KAZN: variants seen among roughly 807,000 people sequenced by gnomAD.
The protein encoded by KAZN is kazrin.
KAZN carries 40 observed loss-of-function variants against 87.4 expected under a neutral mutation model. That is an observed-to-expected ratio of 0.46 (90% CI 0.36 to 0.60). KAZN has a LOEUF of 0.60. KAZN is among the 20% of genes least tolerant of loss of function. The pLI, the probability that KAZN is intolerant of heterozygous loss-of-function variation, is 0.00. For missense variants in KAZN, 898 were observed against 1,073.9 expected, an observed-to-expected ratio of 0.84 and a Z score of 2.29; for synonymous variants, 466 against 458.3, an observed-to-expected ratio of 1.02 and a Z score of -0.22.
intron 1 of KAZN, among the ~76,000 whole-genome samples, chr1:13,991,565 G>A (rs1298099995): frequency 6.6e-6 from 1 of 152,078 alleles, no homozygotes; most frequent in African/African-American, 2.4e-5. Context: ...TGCATTTTGA[G>A]TATTTATTGC....
intron 2 of KAZN, among the ~76,000 whole-genome samples, chr1:14,321,754 A>C (rs2100841233): frequency 6.6e-6 from 1 of 152,292 alleles, no homozygotes; most frequent in Admixed American, 6.5e-5. Context: ...ATGATTAATC[A>C]CATAGCCCGA....
chr1:14,131,921 G>A (rs1208589551), intron 1 of KAZN, among the ~76,000 whole-genome samples: 1 of 151,946 alleles, frequency 6.6e-6, no homozygotes, highest in Admixed American at 6.6e-5. Flanking sequence ...GGGAGTTTTT[G>A]TTCTCTCACT....
At chr1:15,001,855 C>G (rs1179331524) in intron 2 of KAZN, among the ~76,000 whole-genome samples, 3 of 150,460 alleles carry the variant, frequency 2.0e-5, no homozygotes, top group African/African-American at 7.4e-5. Flanking sequence ...CCTCTTGGCC[C>G]CACAAAGTCA....
chr1:14,293,857 G>T (rs1173879402), intron 2 of KAZN, among the ~76,000 whole-genome samples: 1 of 152,046 alleles, frequency 6.6e-6, no homozygotes, highest in African/African-American at 2.4e-5. Context: ...GTTAGCCTTT[G>T]GGAAGGCTCT....
At chr1:14,751,996 G>A (rs376374249) in intron 1 of KAZN, among the ~76,000 whole-genome samples, 39 of 152,324 alleles carry the variant, frequency 2.6e-4, no homozygotes, top group African/African-American at 8.9e-4. Flanking sequence ...TGGTGCCAGC[G>A]CTTGCTTCTG....
chr1:14,854,518 G>T (rs1339880782), intron 1 of KAZN, among the ~76,000 whole-genome samples: 1 of 152,174 alleles, frequency 6.6e-6, no homozygotes, highest in Non-Finnish European at 1.5e-5. Flanking sequence ...GAAGGTCAAA[G>T]GGGATGCAGA....
intron 2 of KAZN, among the ~76,000 whole-genome samples, chr1:14,228,544 A>G (rs2100530073): frequency 6.6e-6 from 1 of 152,318 alleles, no homozygotes; most frequent in African/African-American, 2.4e-5. Flanking sequence ...GGTGGGCACA[A>G]TGATTAGCAT....
intron 1 of KAZN, among the ~76,000 whole-genome samples, chr1:14,142,108 C>CT (rs35138469): frequency 0.33 from 42,137 of 128,832 alleles, 7,735 homozygotes; most frequent in East Asian, 0.67. Context: ...CCCTCCTTCC[C>CT]TTTTTTTTTT....
intron 1 of KAZN, among the ~76,000 whole-genome samples, chr1:14,882,122 CTG>C (rs1653403569): frequency 6.6e-6 from 1 of 152,216 alleles, no homozygotes; most frequent in Non-Finnish European, 1.5e-5. Flanking sequence ...GGGGATCACA[CTG>C]TGAGTAGCCA....
intron 2 of KAZN, among the ~76,000 whole-genome samples, chr1:14,590,258 A>G (rs139983700): frequency 6.6e-5 from 10 of 152,278 alleles, no homozygotes; most frequent in African/African-American, 2.2e-4. Context: ...AAAAGAACTC[A>G]TTTACCAAAT....
intron 1 of KAZN, among the ~76,000 whole-genome samples, chr1:14,667,471 G>C (rs1473050460): frequency 6.6e-6 from 1 of 152,210 alleles, no homozygotes; most frequent in Non-Finnish European, 1.5e-5. Context: ...CTAGAGGACT[G>C]TGCTGTTCTC....
At chr1:14,381,125 G>A (rs980417835) in intron 2 of KAZN, among the ~76,000 whole-genome samples, 3 of 152,146 alleles carry the variant, frequency 2.0e-5, no homozygotes, top group African/African-American at 7.2e-5. Context: ...AGGTATGTAT[G>A]TGTGTATATA....
intron 2 of KAZN, among the ~76,000 whole-genome samples, chr1:14,464,435 C>T (rs9429230): frequency 1.3e-5 from 2 of 152,050 alleles, no homozygotes; most frequent in African/African-American, 4.8e-5. Flanking sequence ...TTTGGTTTAC[C>T]CAAGTCCTCC....
intron 1 of KAZN, among the ~76,000 whole-genome samples, chr1:14,736,355 A>G (rs905769750): frequency 1.9e-4 from 28 of 147,620 alleles, no homozygotes; most frequent in South Asian, 2.2e-4. Flanking sequence ...CTAGAATTCA[A>G]TGGCGTGATC....
At chr1:14,922,745 T>G (rs1658665222) in intron 1 of KAZN, among the ~76,000 whole-genome samples, 1 of 133,654 alleles carries the variant, frequency 7.5e-6, no homozygotes, top group African/African-American at 2.9e-5. Context: ...TGAGCCAAGA[T>G]CACACCACCG....
intron 2 of KAZN, among the ~76,000 whole-genome samples, chr1:14,343,620 CT>C (rs1657897206): frequency 6.6e-6 from 1 of 152,152 alleles, no homozygotes; most frequent in Non-Finnish European, 1.5e-5. Context: ...GCCCTGACAA[CT>C]CTACTTTTGA....
At chr1:14,727,436 T>G (rs1643436781) in intron 1 of KAZN, among the ~76,000 whole-genome samples, 1 of 144,622 alleles carries the variant, frequency 6.9e-6, no homozygotes, top group Non-Finnish European at 1.5e-5. Flanking sequence ...TCCATCACAT[T>G]TATTGTGCAC....
At chr1:14,188,026 C>A (rs1394529632) in intron 2 of KAZN, among the ~76,000 whole-genome samples, 1 of 152,088 alleles carries the variant, frequency 6.6e-6, no homozygotes, top group Non-Finnish European at 1.5e-5. Flanking sequence ...TGGGGTTTCA[C>A]TGGGGGCAAC....
chr1:15,094,145 C>A lies in KAZN; in HGVS notation c.1223-35C>A, dbSNP rs1448722888. The A allele has an allele frequency of 1.3e-6, 2 of 1,598,050 alleles. No homozygotes were observed. Among genetic ancestry groups the A allele is most frequent in the East Asian group, 4.5e-5 (2 of 44,578 alleles). ...GCCCAGCCCCTGCCCCCAGCAGCCTCGTCCCCCAGCATGGCCTGCACTTGT... is the reference window on the plus strand; with the variant it reads ...GCCCAGCCCCTGCCCCCAGCAGCCTAGTCCCCCAGCATGGCCTGCACTTGT... On this transcript the variant is annotated intron_variant, in intron 8 of 14. Transcript: ENST00000376030. This position sits in a 1 kb window ranked among gnomAD's most constrained non-coding sequence, Gnocchi z 4.5.
Sources: allele counts gnomAD v4.1 joint callset (sites outside exome capture counted in the v4.1 genomes callset), GRCh38; gene constraint gnomAD v4.1.1; non-coding constraint Gnocchi (gnomAD v3.1); transcripts MANE v1.5; gene names NCBI Gene and HGNC (gene_info 2026-07-23, HGNC 2026-07-21).